Variants in IL1RAPL2 observed in about 807,000 individuals in gnomAD.
The protein encoded by IL1RAPL2 is X-linked interleukin-1 receptor accessory protein-like 2.
In IL1RAPL2, 3 loss-of-function variants were observed where a neutral mutation model predicts 44.1. That is an observed-to-expected ratio of 0.07 (90% confidence interval 0.03 to 0.18). The LOEUF is 0.18. Ranked by LOEUF, IL1RAPL2 falls within the 10% of genes least tolerant of loss-of-function variation. IL1RAPL2 has a pLI of 1.00. For synonymous variants in IL1RAPL2, 181 were observed against 178.8 expected (o/e 1.01, Z -0.10); for missense variants, 391 against 496.4 (o/e 0.79, Z 2.02).
At chrX:104,786,091 C>T (rs188386103) in intron 2 of IL1RAPL2, among the ~76,000 whole-genome samples, 6 of 112,437 alleles carry the variant, frequency 5.3e-5, no homozygotes, top group Admixed American at 2.8e-4. Flanking sequence ...ATCAGATGAC[C>T]TGGTTCAAGG....
intron 6 of IL1RAPL2, among the ~76,000 whole-genome samples, chrX:105,594,029 A>G (rs974466766): frequency 9.8e-5 from 11 of 112,350 alleles, no homozygotes; most frequent in African/African-American, 3.2e-4. Flanking sequence ...ATGGTCTGGC[A>G]TATGATCAAT....
intron 2 of IL1RAPL2, among the ~76,000 whole-genome samples, chrX:104,851,365 T>C (rs1005337203): frequency 6.3e-5 from 7 of 111,882 alleles, no homozygotes; most frequent in Non-Finnish European, 7.5e-5. Flanking sequence ...ACAGACAGAA[T>C]ATAAACTAGA....
intron 1 of IL1RAPL2, among the ~76,000 whole-genome samples, chrX:104,633,839 T>G (rs1335203054): frequency 9.0e-6 from 1 of 111,674 alleles, no homozygotes; most frequent in Non-Finnish European, 1.9e-5. Flanking sequence ...GTGTCTCTAT[T>G]TCCTTCAGTT....
At chrX:104,909,657 G>A (rs763622013) in intron 2 of IL1RAPL2, among the ~76,000 whole-genome samples, 93 of 111,955 alleles carry the variant, frequency 8.3e-4, no homozygotes, top group South Asian at 1.1e-3. Flanking sequence ...TAGGCTGCTC[G>A]GGGGTCAGGG....
intron 2 of IL1RAPL2, among the ~76,000 whole-genome samples, chrX:104,757,460 T>G (rs1932358974): frequency 1.8e-5 from 2 of 111,653 alleles, no homozygotes; most frequent in Non-Finnish European, 3.8e-5. Flanking sequence ...GGAGACATTC[T>G]GGGTGGATAT....
At chrX:104,655,958 G>C (rs1031490994) in intron 1 of IL1RAPL2, among the ~76,000 whole-genome samples, 3 of 111,631 alleles carry the variant, frequency 2.7e-5, no homozygotes, top group Non-Finnish European at 5.7e-5. Flanking sequence ...GTTAATTTGC[G>C]TAGAGGTGTT....
intron 1 of IL1RAPL2, among the ~76,000 whole-genome samples, chrX:104,645,354 C>A (rs182193590): frequency 4.9e-4 from 55 of 111,695 alleles, no homozygotes; most frequent in African/African-American, 1.8e-3. Flanking sequence ...ATGATCTTAA[C>A]CCCTGATCAC....
At chrX:104,866,202 G>A (rs1224000320) in intron 2 of IL1RAPL2, among the ~76,000 whole-genome samples, 1 of 111,843 alleles carries the variant, frequency 8.9e-6, no homozygotes, top group East Asian at 2.8e-4. Context: ...TGGGAACACT[G>A]TTTTGCAAGT....
At chrX:104,990,682 GAA>G (rs2030645556) in intron 2 of IL1RAPL2, among the ~76,000 whole-genome samples, 1 of 111,155 alleles carries the variant, frequency 9.0e-6, no homozygotes, top group Non-Finnish European at 1.9e-5. Context: ...GCCTGAGAGA[GAA>G]GGAAGACCTT....
intron 2 of IL1RAPL2, among the ~76,000 whole-genome samples, chrX:105,023,413 T>C (rs760659854): frequency 1.4e-4 from 16 of 111,565 alleles, no homozygotes; most frequent in African/African-American, 4.9e-4. Flanking sequence ...CTAGCAGTTA[T>C]AACTATCTGA....
intron 2 of IL1RAPL2, among the ~76,000 whole-genome samples, chrX:105,125,948 T>C (rs975722556): frequency 9.0e-6 from 1 of 111,312 alleles, no homozygotes; most frequent in African/African-American, 3.3e-5. Flanking sequence ...ATGTTAAAAA[T>C]AGTCCTAGAA....
intron 2 of IL1RAPL2, among the ~76,000 whole-genome samples, chrX:104,733,434 A>G (rs1422893579): frequency 9.1e-6 from 1 of 109,528 alleles, no homozygotes; most frequent in Non-Finnish European, 1.9e-5. Flanking sequence ...TCTACTAAAA[A>G]TATATGAAAA....
intron 5 of IL1RAPL2, among the ~76,000 whole-genome samples, chrX:105,423,158 A>T (rs2035784883): frequency 8.9e-6 from 1 of 111,940 alleles, no homozygotes; most frequent in Admixed American, 9.5e-5. Flanking sequence ...CGGTGCAAAG[A>T]AAACTAAAAG....
chrX:105,137,075 A>G (rs2033082902), intron 2 of IL1RAPL2, among the ~76,000 whole-genome samples: 1 of 111,640 alleles, frequency 9.0e-6, no homozygotes, highest in Non-Finnish European at 1.9e-5. Flanking sequence ...TTATGAGAAG[A>G]GAATCTTGAT....
chrX:105,268,111 A>T (rs918653904), intron 5 of IL1RAPL2, among the ~76,000 whole-genome samples: 1 of 111,924 alleles, frequency 8.9e-6, no homozygotes, highest in African/African-American at 3.2e-5. Context: ...GAATATTCTT[A>T]CTTGTTAGAG....
intron 6 of IL1RAPL2, among the ~76,000 whole-genome samples, chrX:105,653,726 A>G (rs1286911707): frequency 9.0e-6 from 1 of 111,558 alleles, no homozygotes; most frequent in African/African-American, 3.3e-5. Context: ...ACTTGAAGGT[A>G]TATCTTTAAA....
intron 2 of IL1RAPL2, among the ~76,000 whole-genome samples, chrX:104,959,983 T>C (rs1324594820): frequency 1.8e-5 from 2 of 112,115 alleles, no homozygotes; most frequent in Non-Finnish European, 3.8e-5. Context: ...TTAGTTATCC[T>C]GTATCTTAAA....
At chrX:105,437,973 C>T (rs1225617021) in intron 5 of IL1RAPL2, among the ~76,000 whole-genome samples, 1 of 111,768 alleles carries the variant, frequency 8.9e-6, no homozygotes, top group East Asian at 2.8e-4. Flanking sequence ...ATCAGAGATG[C>T]CAGTCAAGCC....
In IL1RAPL2 at chrX:105,465,383, C is replaced by T. The variant is rs1423971950; in HGVS notation, c.698-18930C>T. Among the ~76,000 whole-genome samples the T allele has an allele frequency of 6.3e-5, 7 of 111,922 alleles. 1 individual carries two copies. The highest frequency in any genetic ancestry group is 1.9e-4 in the Admixed American group (2 of 10,520). On this transcript the variant is annotated intron_variant, in intron 5 of 10. Transcript: ENST00000372582. ...CAAGAATCTCTTTGAATGGAGAAGA[C>T]GCATTCTCATTTTGTACTATCAAGT...
Sources: allele counts gnomAD v4.1 joint callset (sites outside exome capture counted in the v4.1 genomes callset), GRCh38; gene constraint gnomAD v4.1.1; transcripts MANE v1.5; gene names NCBI Gene and HGNC (gene_info 2026-07-23, HGNC 2026-07-21).